The following NADSYN1 variants were observed in gnomAD, a reference collection of about 807,000 sequenced individuals.
NADSYN1 encodes glutamine-dependent NAD(+) synthetase.
Under a neutral mutation model 99.3 loss-of-function variants are expected in NADSYN1, and 80 were observed. The ratio of observed to expected loss-of-function variants is 0.81; its 90% CI spans 0.67 to 0.97. The LOEUF is 0.97. Among genes scored for constraint, NADSYN1 ranks in the 50% least tolerant of loss-of-function variants. The probability of loss-of-function intolerance (pLI) is 0.00; values close to 1 mark genes in which losing one functional copy is unlikely to be tolerated. For missense variants in NADSYN1, 859 were observed against 948.5 expected, an observed-to-expected ratio of 0.91 and a Z score of 1.24; for synonymous variants, 385 against 372.1, an observed-to-expected ratio of 1.03 and a Z score of -0.40.
In NADSYN1 at chr11:71,501,731, G is replaced by A; in HGVS notation, c.*379G>A. ...TGTCATGAGCAGAAAATGAAGGAGA[G>A]AAGACCTTCTCTCCCACCCACACAC... is the stretch of plus-strand genomic sequence containing the variant. On this transcript the variant is annotated 3_prime_UTR_variant, in exon 21 of 21. Coordinates refer to ENST00000319023, the MANE Select transcript of NADSYN1 (RefSeq NM_018161.5). The A allele has an allele frequency of 8.2e-6, 2 of 242,708 alleles. No homozygotes were observed. Among genetic ancestry groups the A allele is most frequent in the Non-Finnish European group, 1.6e-5 (2 of 124,336 alleles). The allele number at this position is 242,708 out of a possible 1,614,324, so 15.0% of individuals were successfully genotyped here.
chr11:71,491,901 G>C lies in NADSYN1; in HGVS notation c.1762G>C (p.Glu588Gln). 1.2e-6 allele frequency: 2 copies of C among 1,613,866 alleles called. No homozygotes were observed. The highest frequency in any genetic ancestry group is 1.7e-6 in the Non-Finnish European group (2 of 1,179,954). ...TGATGGACAGGTGTCCCAGACCGAC[G>C]AGGTAATGGCGGTGGCTTTGCCATG... Reference protein sequence around the residue: ...LADGQVSQTDEEDMGMTYAEL... With the variant: ...LADGQVSQTDQEDMGMTYAEL... The change falls in exon 18 of 21, where the codon GAG becomes CAG. Residue 588 changes from glutamate (E) to glutamine (Q), a missense_variant and splice_region_variant. Physicochemically the swap from Glu to Gln is conservative, Grantham distance 29 (BLOSUM62 2). Transcript: ENST00000319023.
rs10466698 is a variant in NADSYN1 at position 71,495,496 on chromosome 11, C to T, written c.1765-1987C>T. On this transcript the variant is annotated intron_variant, in intron 18 of 20. Transcript: ENST00000319023. ...TTGGGAGGAAGGTGGGTTCCGCTGC[C>T]GCTGGGTGCAGTGCCCTGCAGGTGT... 8.0e-3 allele frequency among the ~76,000 whole-genome samples: 1,217 copies of T among 152,298 alleles called. 22 individuals are homozygous for T. Among genetic ancestry groups the T allele is most frequent in the African/African-American group, 0.028 (1,147 of 41,556 alleles).
At chr11:71,472,074 C>T (rs1949630851) in intron 5 of NADSYN1, among the ~76,000 whole-genome samples, 2 of 152,160 alleles carry the variant, frequency 1.3e-5, no homozygotes, top group South Asian at 2.1e-4. Flanking sequence ...TAATGCCACA[C>T]GATTTTTCTG....
intron 9 of NADSYN1, chr11:71,477,446 C>A (rs1949676647): frequency 7.8e-7 from 1 of 1,289,414 alleles, no homozygotes; most frequent in African/African-American, 1.5e-5. Flanking sequence ...CAGGTATGGC[C>A]CCCTGTTACG....
At position 71,482,734 on chromosome 11, in the gene NADSYN1, G is replaced by A. The variant is rs1046356621; in HGVS notation, c.1151-115G>A. The stretch of plus-strand genomic sequence containing the variant: ...GGGTGGAGCCGCACAGGCACCTGGG[G>A]GTGTAGACCGGGGTGGAGCCGCATG... On this transcript the variant is annotated intron_variant, in intron 13 of 20. Coordinates refer to ENST00000319023, the MANE Select transcript of NADSYN1 (RefSeq NM_018161.5). The A allele has an allele frequency of 1.2e-5, 15 of 1,209,094 alleles. 1 individual carries two copies. Among genetic ancestry groups the A allele is most frequent in the African/African-American group, 9.3e-5 (6 of 64,676 alleles). The allele number at this position is 1,209,094 out of a possible 1,614,324, so 74.9% of individuals were successfully genotyped here.
intron 14 of NADSYN1, among the ~76,000 whole-genome samples, 156 bp from the exon 15 acceptor site, chr11:71,484,156 G>C (rs562490053): frequency 2.2e-4 from 33 of 152,242 alleles, no homozygotes; most frequent in Non-Finnish European, 3.8e-4. Context: ...TGGTGGTGAT[G>C]GCTGCGCAGC....
At position 71,463,399 on chromosome 11, in the gene NADSYN1, C is replaced by T. The variant is rs567695089; in HGVS notation, c.264-33C>T. Reference sequence around the variant, plus strand: ...ATGTGCTCTGTGTTTCATAACCGGGCAGACACACATGTACCTCCCCTCTCT... The same window carrying T: ...ATGTGCTCTGTGTTTCATAACCGGGTAGACACACATGTACCTCCCCTCTCT... On this transcript the variant is annotated intron_variant, in intron 3 of 20. Transcript: ENST00000319023. 2.3e-4 allele frequency: 372 copies of T among 1,589,570 alleles called. 8 individuals carry two copies. The South Asian group carries it at 4.0e-3, about 17-fold the overall frequency.
chr11:71,493,836 A>G (rs931119521), intron 18 of NADSYN1, among the ~76,000 whole-genome samples: 3 of 152,120 alleles, frequency 2.0e-5, no homozygotes, highest in Non-Finnish European at 2.9e-5. Context: ...TTAATTAAAA[A>G]GTTTATAAGG....
At chr11:71,464,262 A>T in intron 5 of NADSYN1, 120 bp downstream of exon 5, 1 of 766,262 alleles carries the variant, frequency 1.3e-6, no homozygotes, top group Non-Finnish European at 2.1e-6. Flanking sequence ...GACATTTTGA[A>T]CAAAGAATGG....
At chr11:71,487,645 C>CA (rs1366243340) in intron 16 of NADSYN1, among the ~76,000 whole-genome samples, 1 of 151,840 alleles carries the variant, frequency 6.6e-6, no homozygotes, top group Non-Finnish European at 1.5e-5. Flanking sequence ...TCCTGGCTAA[C>CA]ACGGTGAAAC....
At chr11:71,487,910 C>T (rs1949753489) in intron 16 of NADSYN1, among the ~76,000 whole-genome samples, 1 of 151,778 alleles carries the variant, frequency 6.6e-6, no homozygotes, top group South Asian at 2.1e-4. Flanking sequence ...TTTCTCACTG[C>T]GGGACAGAAG....
In NADSYN1 at chr11:71,464,051, A is replaced by G. The variant is rs1255470055; in HGVS notation, c.318-2A>G. On this transcript the variant is annotated splice_acceptor_variant, in intron 4 of 20. Transcript: ENST00000319023. LOFTEE classifies it high-confidence loss of function. ...TGCACAGCCCTGTTCCCCTGTCTGC[A>G]GGAAGATCCTGCTCATCAGACCCAA... 3 of 1,609,794 alleles carry G rather than the reference A, an allele frequency of 1.9e-6. No individual in the cohort carries two copies. Among genetic ancestry groups the G allele is most frequent in the Non-Finnish European group, 2.5e-6 (3 of 1,178,004 alleles).
intron 20 of NADSYN1, chr11:71,499,613 ACAAT>A (rs1381129452): frequency 6.6e-6 from 1 of 152,212 alleles, no homozygotes; most frequent in Non-Finnish European, 1.5e-5. Flanking sequence ...AAAGGACAAT[ACAAT>A]CAATGAAAAA....
chr11:71,474,582 T>A lies in NADSYN1; in HGVS notation c.798+56T>A, dbSNP rs1949652018. The A allele has an allele frequency of 7.5e-6, 12 of 1,608,826 alleles. No homozygotes were observed. The South Asian group carries it at 1.3e-4, about 18-fold the overall frequency. On this transcript the variant is annotated intron_variant, in intron 9 of 20. Coordinates refer to ENST00000319023, the MANE Select transcript of NADSYN1 (RefSeq NM_018161.5). ...AGGGTTCTCTGTGCAGAGACCGAGC[T>A]CCTGGCTCTCCCCTGTAAGCCGGGT...
At chr11:71,490,769 C>T (rs755444997) in intron 16 of NADSYN1, 76 bp from the exon 17 acceptor site, 13 of 1,564,308 alleles carry the variant, frequency 8.3e-6, no homozygotes, top group South Asian at 2.4e-5. Context: ...CTGGAAGAAG[C>T]GACTCCCTGG....
intron 18 of NADSYN1, chr11:71,496,301 A>G (rs7130479): frequency 0.13 from 19,810 of 152,270 alleles, 2,143 homozygotes; most frequent in African/African-American, 0.3. Flanking sequence ...TGGCACCAGG[A>G]ACTGGTTTCG....
intron 18 of NADSYN1, among the ~76,000 whole-genome samples, chr11:71,493,105 T>C (rs559633306): frequency 5.9e-5 from 9 of 152,106 alleles, no homozygotes; most frequent in Non-Finnish European, 1.0e-4. Context: ...GGCCAGAACA[T>C]GAGGCCTCGG....
At chr11:71,491,952 C>CA in intron 18 of NADSYN1, 49 bp downstream of exon 18, 1 of 1,550,042 alleles carries the variant, frequency 6.5e-7, no homozygotes, top group Non-Finnish European at 8.8e-7. Flanking sequence ...CTCCCCACCT[C>CA]CTGTGTGGTG....
chr11:71,465,766 T>G (rs904027352), intron 5 of NADSYN1, among the ~76,000 whole-genome samples: 17 of 152,236 alleles, frequency 1.1e-4, no homozygotes, highest in African/African-American at 4.1e-4. Context: ...TCTTTAATAT[T>G]ATATTTTTAA....
Sources: gnomAD v4.1 joint callset for allele counts (sites outside exome capture counted in the v4.1 genomes callset) on GRCh38, gnomAD v4.1.1 for gene constraint, MANE v1.5 for transcripts, NCBI Gene and HGNC (gene_info 2026-07-23, HGNC 2026-07-21) for gene names.